NHS: variants seen among roughly 807,000 people sequenced by gnomAD.
The protein encoded by NHS is actin remodeling regulator NHS.
NHS carries 5 observed loss-of-function variants against 72.5 expected under a neutral mutation model. The ratio of observed to expected loss-of-function variants is 0.07; its 90% confidence interval spans 0.04 to 0.14. NHS has a LOEUF of 0.14. Among genes scored for constraint, NHS ranks in the 10% least tolerant of loss-of-function variants. The probability of loss-of-function intolerance (pLI) is 1.00; values close to 1 mark genes in which losing one functional copy is unlikely to be tolerated. For missense variants in NHS, 1,072 were observed against 1,355.7 expected (o/e 0.79, Z 3.29); for synonymous variants, 464 against 547.7 (o/e 0.85, Z 2.13).
Position 17,728,099 on chromosome X carries a change from T to G in NHS, c.3993T>G (p.Thr1331=), listed in dbSNP as rs941737702. 1.6e-5 allele frequency: 19 copies of G among 1,211,614 alleles called. No individual in the cohort carries two copies. The highest frequency in any genetic ancestry group is 2.0e-5 in the Non-Finnish European group (18 of 895,414). Residue 1331 remains threonine (T), a synonymous_variant, in exon 7 of 9, where the codon ACT becomes ACG. Coordinates refer to ENST00000676302, the MANE Select transcript of NHS (RefSeq NM_001291867.2). ...DVITSQSDSP[T]RATDVSNQFK... is the part of the protein sequence containing the mutation. ...TCACATCTCAGTCAGACTCACCAAC[T>G]AGAGCAACAGATGTAAGCAATCAAT...
chrX:17,377,374 G>T (rs770018013), intron 1 of NHS, among the ~76,000 whole-genome samples: 19 of 113,110 alleles, frequency 1.7e-4, no homozygotes, highest in African/African-American at 6.1e-4. Context: ...GAATCATTTA[G>T]GAACGACCCA....
At chrX:17,552,890 C>T (rs752959988) in intron 1 of NHS, among the ~76,000 whole-genome samples, 2 of 113,082 alleles carry the variant, frequency 1.8e-5, no homozygotes, top group South Asian at 3.6e-4. Flanking sequence ...AGGTGATCCA[C>T]GTGCACATTA....
intron 1 of NHS, among the ~76,000 whole-genome samples, chrX:17,580,419 G>C (rs1047752679): frequency 1.8e-5 from 2 of 112,059 alleles, no homozygotes; most frequent in African/African-American, 6.5e-5. Flanking sequence ...AGCAGAGAAA[G>C]TCCCTTCCCT....
chrX:17,477,471 T>A lies in NHS; in HGVS notation c.565+101149T>A, dbSNP rs145831507. On this transcript the variant is annotated intron_variant, in intron 1 of 8. Coordinates refer to ENST00000676302, the MANE Select transcript of NHS (RefSeq NM_001291867.2). ...AAGGTGAGGGCAACAGTGCAAGACA[T>A]GCAGGATCTTTTGGGTGATTGCAAG... Among the ~76,000 whole-genome samples, 280 of 112,046 alleles carry A rather than the reference T, an allele frequency of 2.5e-3. 1 individual carries two copies. The highest frequency in any genetic ancestry group is 8.6e-3 in the African/African-American group (265 of 30,839).
intron 1 of NHS, among the ~76,000 whole-genome samples, chrX:17,456,672 G>A (rs1276408476): frequency 8.9e-6 from 1 of 112,040 alleles, no homozygotes; most frequent in East Asian, 2.8e-4. Context: ...CTTTGCCAAA[G>A]CCCACCAGCT....
intron 1 of NHS, among the ~76,000 whole-genome samples, chrX:17,526,222 CTG>C (rs1030271304): frequency 1.8e-5 from 2 of 112,737 alleles, no homozygotes; most frequent in Admixed American, 9.3e-5. Context: ...ATATCTTAGT[CTG>C]TGGTTGAGCT....
At chrX:17,484,984 A>G (rs913674686) in intron 1 of NHS, among the ~76,000 whole-genome samples, 2 of 111,918 alleles carry the variant, frequency 1.8e-5, no homozygotes, top group African/African-American at 3.3e-5. Flanking sequence ...TGATTTCCCA[A>G]TAAGTGGTGT....
chrX:17,491,394 T>C (rs1423857060), intron 1 of NHS, among the ~76,000 whole-genome samples: 2 of 112,126 alleles, frequency 1.8e-5, no homozygotes, highest in African/African-American at 6.5e-5. Context: ...GTTTTTGTCA[T>C]TGGTTCTGTT....
intron 1 of NHS, among the ~76,000 whole-genome samples, chrX:17,582,597 G>A (rs996786636): frequency 6.3e-5 from 7 of 111,326 alleles, no homozygotes; most frequent in African/African-American, 2.3e-4. Flanking sequence ...AGGACAGTGC[G>A]CTCCCTGGGC....
intron 1 of NHS, among the ~76,000 whole-genome samples, chrX:17,407,734 A>G (rs1450260671): frequency 9.0e-6 from 1 of 111,497 alleles, no homozygotes; most frequent in East Asian, 2.8e-4. Context: ...GAACCAAGCA[A>G]TTTACATGGT....
At position 17,508,116 on chromosome X, in the gene NHS, AATGGTACAACCATTGTGATGAACT is replaced by A. The variant is rs201451999; in HGVS notation, c.565+131808_565+131831del. Among the ~76,000 whole-genome samples, 663 of 111,014 alleles carry A rather than the reference AATGGTACAACCATTGTGATGAACT, an allele frequency of 6.0e-3. 4 individuals carry two copies. Among genetic ancestry groups the A allele is most frequent in the African/African-American group, 0.02 (622 of 30,488 alleles). On this transcript the variant is annotated intron_variant, in intron 1 of 8. Coordinates refer to ENST00000676302, the MANE Select transcript of NHS (RefSeq NM_001291867.2). ...ATTCAGTGGCATCTAGTACATTCAC[AATGGTACAACCATTGTGATGAACT>A]ATGGTACAACCATCACCTCTAGTTC... is the stretch of plus-strand genomic sequence containing the variant.
chrX:17,607,949 G>A (rs759032202), intron 1 of NHS, among the ~76,000 whole-genome samples: 2 of 91,445 alleles, frequency 2.2e-5, no homozygotes, highest in South Asian at 1.1e-3. Flanking sequence ...GACAGGGTCT[G>A]TCTCTGTCAC....
intron 5 of NHS, among the ~76,000 whole-genome samples, chrX:17,723,469 C>A (rs1230405293): frequency 1.8e-5 from 2 of 111,797 alleles, no homozygotes; most frequent in Non-Finnish European, 3.8e-5. Flanking sequence ...TAACAAGCAC[C>A]ATGGTTTGCC....
chrX:17,587,872 A>G (rs1325594779), intron 1 of NHS, among the ~76,000 whole-genome samples: 2 of 112,672 alleles, frequency 1.8e-5, no homozygotes, highest in African/African-American at 6.4e-5. Context: ...CAAGGATACA[A>G]AGATGAATTA....
intron 1 of NHS, among the ~76,000 whole-genome samples, chrX:17,602,120 A>T (rs754655195): frequency 1.8e-5 from 2 of 111,704 alleles, no homozygotes; most frequent in East Asian, 5.6e-4. Flanking sequence ...CTTCTAAATA[A>T]TGCAAGCTAG....
chrX:17,615,335 A>G (rs1053186866), intron 1 of NHS, among the ~76,000 whole-genome samples: 2 of 104,657 alleles, frequency 1.9e-5, no homozygotes, highest in Non-Finnish European at 3.9e-5. Flanking sequence ...TCACTGTAGC[A>G]TCAGTCTTCT....
intron 1 of NHS, among the ~76,000 whole-genome samples, chrX:17,379,136 C>G (rs1341476859): frequency 9.1e-6 from 1 of 109,441 alleles, no homozygotes; most frequent in African/African-American, 3.3e-5. Context: ...TCCTCATTCC[C>G]CTGCGTAATC....
intron 1 of NHS, among the ~76,000 whole-genome samples, chrX:17,440,732 C>T (rs1230350161): frequency 2.7e-5 from 3 of 111,512 alleles, no homozygotes; most frequent in Non-Finnish European, 5.7e-5. Flanking sequence ...CAGGAAGGGG[C>T]GAACTGGAAG....
At chrX:17,605,512 G>A (rs1266541750) in intron 1 of NHS, among the ~76,000 whole-genome samples, 2 of 111,175 alleles carry the variant, frequency 1.8e-5, no homozygotes, top group Non-Finnish European at 3.8e-5. Context: ...GTTTTCCCTG[G>A]TGGTGCCAAT....
Sources: gnomAD v4.1 joint callset for allele counts (sites outside exome capture counted in the v4.1 genomes callset) on GRCh38, gnomAD v4.1.1 for gene constraint, MANE v1.5 for transcripts, NCBI Gene and HGNC (gene_info 2026-07-23, HGNC 2026-07-21) for gene names.